Variants in CAPN3 observed in about 807,000 individuals in gnomAD.
CAPN3 encodes calpain 3.
A neutral mutation model predicts 114.0 loss-of-function variants in CAPN3; 88 were observed. The observed-to-expected ratio is 0.77, with a 90% confidence interval of 0.65 to 0.92. CAPN3 has a LOEUF of 0.92. Among genes scored for constraint, CAPN3 ranks in the 40% least tolerant of loss-of-function variants. The probability of loss-of-function intolerance (pLI) is 0.00; values close to 1 mark genes in which losing one functional copy is unlikely to be tolerated. For synonymous variants in CAPN3, 386 were observed against 382.9 expected (o/e 1.01, Z -0.09); for missense variants, 1,028 against 1,069.0 (o/e 0.96, Z 0.53).
At chr15:42,384,666 GAA>G in intron 2 of CAPN3, 114 bp downstream of exon 2, 2 of 815,832 alleles carry the variant, frequency 2.5e-6, no homozygotes, top group Non-Finnish European at 4.3e-6. Flanking sequence ...TAACTTTTTG[GAA>G]GATTTTTTAT....
chr15:42,395,795 T>C (rs1302105873), intron 8 of CAPN3, among the ~76,000 whole-genome samples: 1 of 152,170 alleles, frequency 6.6e-6, no homozygotes, highest in Non-Finnish European at 1.5e-5. Context: ...AATCTCCATG[T>C]CCCCTGCAGT....
intron 4 of CAPN3, 110 bp from the exon 5 acceptor site, chr15:42,388,818 G>T: frequency 1.1e-6 from 1 of 886,516 alleles, no homozygotes; most frequent in South Asian, 1.3e-5. Flanking sequence ...ATGTGGAATT[G>T]ATGAAAGAAC....
chr15:42,382,360 GT>G (rs1228529216), intron 1 of CAPN3, among the ~76,000 whole-genome samples: 3 of 151,936 alleles, frequency 2.0e-5, no homozygotes, highest in South Asian at 2.1e-4. Flanking sequence ...TTATAGTGGG[GT>G]TTTTTGTTTT....
At chr15:42,363,008 T>C (rs868529957) in intron 1 of CAPN3, among the ~76,000 whole-genome samples, 1 of 152,224 alleles carries the variant, frequency 6.6e-6, no homozygotes, top group African/African-American at 2.4e-5. Flanking sequence ...TTATTATAAT[T>C]ACAGTGATAA....
Position 42,401,653 on chromosome 15 carries a change from C to A in CAPN3, c.1367C>A (p.Thr456Asn), listed in dbSNP as rs2053872236. The change falls in exon 11 of 24, where the codon ACC becomes AAC. Residue 456 changes from threonine to asparagine, a missense_variant. By Grantham distance (65) the Thr-to-Asn change is moderately conservative. Transcript: ENST00000397163. ...GCRNFPDTFW[T>N]NPQYRLKLLE... ...TCTGGGGGTGCAGATACTTTCTGGA[C>A]CAACCCTCAGTACCGTCTGAAGCTC... is the stretch of plus-strand genomic sequence containing the variant. 1 of 1,614,170 alleles carries A rather than the reference C, an allele frequency of 6.2e-7. No homozygotes were observed. Among genetic ancestry groups the A allele is most frequent in the Non-Finnish European group, 8.5e-7 (1 of 1,180,036 alleles).
intron 10 of CAPN3, among the ~76,000 whole-genome samples, chr15:42,400,096 G>A (rs568029538): frequency 6.6e-6 from 1 of 152,210 alleles, no homozygotes; most frequent in East Asian, 1.9e-4. Flanking sequence ...ACTTAATACT[G>A]TACTAAAAGT....
intron 6 of CAPN3, among the ~76,000 whole-genome samples, chr15:42,391,166 A>G (rs985994591): frequency 3.9e-5 from 6 of 152,186 alleles, no homozygotes; most frequent in Non-Finnish European, 1.5e-5. Context: ...ATTCAAACAC[A>G]CAGATATGTT....
At chr15:42,373,814 C>T (rs951110919) in intron 1 of CAPN3, among the ~76,000 whole-genome samples, 4 of 152,146 alleles carry the variant, frequency 2.6e-5, no homozygotes, top group Admixed American at 2.6e-4. Context: ...TCATTACCCC[C>T]AAACAATGGC....
intron 2 of CAPN3, 118 bp downstream of exon 2, chr15:42,384,670 A>AT (rs1258766720): frequency 1.0e-5 from 8 of 780,810 alleles, no homozygotes; most frequent in Middle Eastern, 2.3e-4. Flanking sequence ...TTTTTGGAAG[A>AT]TTTTTTATAA....
chr15:42,367,909 G>T (rs1243085754), intron 1 of CAPN3, among the ~76,000 whole-genome samples: 1 of 152,062 alleles, frequency 6.6e-6, no homozygotes, highest in Non-Finnish European at 1.5e-5. Flanking sequence ...TGATCCTCCT[G>T]CCTCAGACTC....
intron 16 of CAPN3, 68 bp from the exon 17 acceptor site, chr15:42,409,235 A>C: frequency 6.7e-7 from 1 of 1,493,094 alleles, no homozygotes; most frequent in Non-Finnish European, 9.3e-7. Context: ...CTTGGCCCAG[A>C]GGAGCTTGCC....
intron 1 of CAPN3, among the ~76,000 whole-genome samples, chr15:42,383,053 G>A (rs935153273): frequency 6.6e-6 from 1 of 152,074 alleles, no homozygotes; most frequent in Non-Finnish European, 1.5e-5. Flanking sequence ...TTTTGAAAAC[G>A]ATTGTTTTGG....
chr15:42,374,371 CCCCTCAA>C (rs2053033031), intron 1 of CAPN3: 1 of 152,208 alleles, frequency 6.6e-6, no homozygotes, highest in Non-Finnish European at 1.5e-5. Context: ...CATCGCACAG[CCCCTCAA>C]GTTTGAGGGG....
rs1026642848 is a variant in CAPN3 at position 42,394,324 on chromosome 15, C to G, written c.1098C>G (p.Asn366Lys). The change falls in exon 8 of 24, where the codon AAC becomes AAG. Residue 366 changes from asparagine to lysine, a missense_variant. By Grantham distance (94) the Asn-to-Lys change is moderately conservative. Coordinates refer to ENST00000397163, the MANE Select transcript of CAPN3 (RefSeq NM_000070.3). ...LRNPWGQVEW[N>K]GSWSDRWKDW... ...ATCCGTGGGGCCAGGTGGAGTGGAA[C>G]GGTTCTTGGAGTGATAGGTAGGTGA... 6.4e-7 allele frequency: 1 copy of G among 1,561,218 alleles called. No individual in the cohort carries two copies. The highest frequency in any genetic ancestry group is 8.7e-7 in the Non-Finnish European group (1 of 1,152,078).
intron 13 of CAPN3, among the ~76,000 whole-genome samples, chr15:42,403,328 A>G (rs1174683373): frequency 2.0e-5 from 3 of 152,200 alleles, no homozygotes; most frequent in Non-Finnish European, 4.4e-5. Context: ...TGGAGAGGTG[A>G]TATGGAGCAA....
intron 23 of CAPN3, 57 bp from the exon 24 acceptor site, chr15:42,411,690 G>GGT (rs1555423360): frequency 1.1e-5 from 2 of 184,448 alleles, no homozygotes; most frequent in Non-Finnish European, 1.6e-5. Context: ...TCCTAGGGCG[G>GGT]GGGGGGGGGG....
intron 1 of CAPN3, among the ~76,000 whole-genome samples, chr15:42,375,054 A>G (rs1387128720): frequency 6.7e-6 from 1 of 149,944 alleles, no homozygotes; most frequent in Non-Finnish European, 1.5e-5. Flanking sequence ...GGGCCTCACT[A>G]TGTTGCCCAG....
intron 6 of CAPN3, among the ~76,000 whole-genome samples, chr15:42,392,121 C>T (rs1246665985): frequency 1.3e-5 from 2 of 152,052 alleles, no homozygotes; most frequent in Admixed American, 6.5e-5. Context: ...GCCGAGATCG[C>T]GCCACTGCAC....
intron 1 of CAPN3, among the ~76,000 whole-genome samples, chr15:42,380,601 A>ATG (rs1231467237): frequency 1.4e-5 from 2 of 144,928 alleles, no homozygotes; most frequent in Non-Finnish European, 3.0e-5. Flanking sequence ...ATATATATGT[A>ATG]TGTGTATATA....
Sources: allele counts gnomAD v4.1 joint callset (sites outside exome capture counted in the v4.1 genomes callset), GRCh38; gene constraint gnomAD v4.1.1; transcripts MANE v1.5; gene names NCBI Gene and HGNC (gene_info 2026-07-23, HGNC 2026-07-21).